The following DERL2 variants were observed in gnomAD, a reference collection of about 807,000 sequenced individuals.
DERL2 encodes the protein derlin-2.
DERL2 carries 13 observed loss-of-function variants against 32.0 expected under a neutral mutation model. The ratio of observed to expected loss-of-function variants is 0.41; its 90% CI spans 0.26 to 0.65. The LOEUF is 0.65. Among genes scored for constraint, DERL2 ranks in the 30% least tolerant of loss-of-function variants. The probability of loss-of-function intolerance (pLI) is 0.35; values close to 1 mark genes in which losing one functional copy is unlikely to be tolerated. For missense variants in DERL2, 208 were observed against 296.3 expected (o/e 0.70, Z 2.19); for synonymous variants, 111 against 104.7 (o/e 1.06, Z -0.37).
Position 5,473,519 on chromosome 17 carries a change from G to A in DERL2, c.*1165C>T, listed in dbSNP as rs1905212530. ...AAGACCCTGGAAGAACATATGCCTA[G>A]CTAACTGGTATCTGTTCGTCTGGCT... On this transcript the variant is annotated 3_prime_UTR_variant, in exon 7 of 7. Transcript: ENST00000158771. 1 of 151,440 alleles carries A rather than the reference G, an allele frequency of 6.6e-6. No homozygotes were observed. 9.4% of individuals were successfully genotyped at this position (151,440 alleles called of 1,614,324 possible). A position where few individuals can be genotyped will look rare whatever the true frequency, so the allele number is the denominator to read the frequency against.
Position 5,474,473 on chromosome 17 carries a change from T to G in DERL2, c.*211A>C. 1 of 445,914 alleles carries G rather than the reference T, an allele frequency of 2.2e-6. No individual in the cohort carries two copies. Among genetic ancestry groups the G allele is most frequent in the Non-Finnish European group, 4.0e-6 (1 of 252,876 alleles). The allele number at this position is 445,914 out of a possible 1,614,324, so 27.6% of individuals were successfully genotyped here. ...TCTCCAGTTTTTTGGCTCTAAGAAA[T>G]TACACTTTCAGTACCAGTGTAGTGA... On this transcript the variant is annotated 3_prime_UTR_variant, in exon 7 of 7. Coordinates refer to ENST00000158771, the MANE Select transcript of DERL2 (RefSeq NM_016041.5). This position sits in a 1 kb window ranked among gnomAD's most constrained non-coding sequence, Gnocchi z 4.3.
intron 2 of DERL2, among the ~76,000 whole-genome samples, chr17:5,483,103 C>G (rs1386221312): frequency 1.3e-5 from 2 of 152,004 alleles, no homozygotes; most frequent in African/African-American, 4.8e-5. Flanking sequence ...GGGACTGTGA[C>G]ATTTATAATA....
chr17:5,485,019 C>T (rs1906075943), intron 2 of DERL2, 132 bp downstream of exon 2: 3 of 533,418 alleles, frequency 5.6e-6, no homozygotes. Flanking sequence ...GCTTTATATC[C>T]TGACAAGGCA....
chr17:5,475,558 C>G (rs1905330787), intron 6 of DERL2, among the ~76,000 whole-genome samples: 1 of 152,066 alleles, frequency 6.6e-6, no homozygotes, highest in African/African-American at 2.4e-5. Flanking sequence ...TGCACCTAGT[C>G]AACATGGTGA....
At chr17:5,478,196 T>C (rs1055505562) in intron 6 of DERL2, among the ~76,000 whole-genome samples, 4 of 151,898 alleles carry the variant, frequency 2.6e-5, no homozygotes, top group Non-Finnish European at 5.9e-5. Context: ...AGACCTTGTC[T>C]CCACAAAAAA....
At position 5,474,621 on chromosome 17, in the gene DERL2, A is replaced by T; in HGVS notation, c.*63T>A. The T allele has an allele frequency of 1.5e-6, 2 of 1,307,858 alleles. No individual in the cohort carries two copies. The highest frequency in any genetic ancestry group is 2.1e-6 in the Non-Finnish European group (2 of 935,238). The allele number at this position is 1,307,858 out of a possible 1,614,324, so 81.0% of individuals were successfully genotyped here. ...TGTCCACACTTTTGCAACAAAGGAT[A>T]AAAGATCCCAGTGGGTATCACCGAG... On this transcript the variant is annotated 3_prime_UTR_variant, in exon 7 of 7. Transcript: ENST00000158771. This position sits in a 1 kb window ranked among gnomAD's most constrained non-coding sequence, Gnocchi z 4.3.
chr17:5,482,509 A>G (rs922747597), intron 3 of DERL2: 1 of 238,786 alleles, frequency 4.2e-6, no homozygotes, highest in Non-Finnish European at 8.2e-6. Flanking sequence ...ACGGCTTCGA[A>G]CCTGTTGGTT....
At chr17:5,479,885 G>A (rs1905656023) in intron 6 of DERL2, among the ~76,000 whole-genome samples, 169 bp downstream of exon 6, 2 of 152,144 alleles carry the variant, frequency 1.3e-5, no homozygotes, top group African/African-American at 4.8e-5. Context: ...GGCACTGTCT[G>A]CTCCTACCCA....
At chr17:5,482,092 G>C (rs1272937908) in intron 3 of DERL2, among the ~76,000 whole-genome samples, 1 of 152,198 alleles carries the variant, frequency 6.6e-6, no homozygotes, top group African/African-American at 2.4e-5. Flanking sequence ...TACTTTTCCA[G>C]CCTGGCAGGT....
rs1905289106 is a variant in DERL2 at position 5,474,875 on chromosome 17, T to G, written c.615-86A>C. 1 of 887,816 alleles carries G rather than the reference T, an allele frequency of 1.1e-6. No individual in the cohort carries two copies. Among genetic ancestry groups the G allele is most frequent in the Admixed American group, 2.7e-5 (1 of 37,604 alleles). 55.0% of individuals were successfully genotyped at this position (887,816 alleles called of 1,614,324 possible). On this transcript the variant is annotated intron_variant, in intron 6 of 6. Coordinates refer to ENST00000158771, the MANE Select transcript of DERL2 (RefSeq NM_016041.5). This position sits in a 1 kb window ranked among gnomAD's most constrained non-coding sequence, Gnocchi z 4.3. Reference sequence around the variant, plus strand: ...AAGGTCAGTTCAGGCCCCATAGGGTTTCCACCAATAGGTAAGCATTACACC... The same window carrying G: ...AAGGTCAGTTCAGGCCCCATAGGGTGTCCACCAATAGGTAAGCATTACACC...
intron 2 of DERL2, among the ~76,000 whole-genome samples, chr17:5,483,180 C>A (rs995760962): frequency 6.6e-6 from 1 of 151,770 alleles, no homozygotes. Context: ...CTAGGTTAAT[C>A]GGCAGAACAG....
chr17:5,480,453 A>C lies in DERL2; in HGVS notation c.457T>G (p.Phe153Val). ...FFGLLNFQAP[F>V]LPWVLMGFSL... ...AATCCCATGAGCACCCAGGGCAGAA[A>C]GGGGGCCTGGAAGTTGAGAAGGCCG... The change falls in exon 5 of 7, where the codon TTT becomes GTT. Residue 153 changes from phenylalanine to valine, a missense_variant. This residue lies in a region of DERL2 where 124 missense variants were observed against 215.3 expected (regional missense o/e 0.58). Transcript: ENST00000158771. 6.2e-7 allele frequency: 1 copy of C among 1,613,794 alleles called. No homozygotes were observed. The highest frequency in any genetic ancestry group is 8.5e-7 in the Non-Finnish European group (1 of 1,179,918).
rs766273072 is a variant in DERL2 at position 5,474,726 on chromosome 17, T to C, written c.678A>G (p.Pro226=). ...PNYNPLPEER[P]GGFAWGEGQR... The stretch of plus-strand genomic sequence containing the variant: ...GGCCCTCACCCCAGGCGAAGCCTCC[T>C]GGCCGTTCCTCAGGTAGTGGATTGT... The change falls in exon 7 of 7, where the codon CCA becomes CCG. Residue 226 remains proline, a synonymous_variant. Transcript: ENST00000158771. This position sits in a 1 kb window ranked among gnomAD's most constrained non-coding sequence, Gnocchi z 4.3. The C allele has an allele frequency of 6.2e-7, 1 of 1,613,928 alleles. No individual in the cohort carries two copies.
At chr17:5,484,316 G>A (rs536168147) in intron 2 of DERL2, among the ~76,000 whole-genome samples, 1 of 152,188 alleles carries the variant, frequency 6.6e-6, no homozygotes, top group Non-Finnish European at 1.5e-5. Flanking sequence ...GCACAATCTC[G>A]GCTCACTGCA....
intron 6 of DERL2, among the ~76,000 whole-genome samples, chr17:5,478,183 G>C (rs1384299591): frequency 6.6e-6 from 1 of 152,130 alleles, no homozygotes; most frequent in East Asian, 1.9e-4. Flanking sequence ...GGGCAACATA[G>C]AGAGACCTTG....
At chr17:5,476,827 G>A (rs1905418674) in intron 6 of DERL2, among the ~76,000 whole-genome samples, 1 of 152,090 alleles carries the variant, frequency 6.6e-6, no homozygotes, top group Non-Finnish European at 1.5e-5. Context: ...CCCTTCTACT[G>A]CCCAAACATT....
chr17:5,480,137 T>G lies in DERL2; in HGVS notation c.531A>C (p.Ala177=). ...CCAAGAAAAAATATATGTGTCCAAC[T>G]GCAATACCTAGAGTCAAGCAGAAAT... The part of the protein sequence containing the change: ...NSIIVDLLGI[A]VGHIYFFLED... Residue 177 remains alanine (A), a synonymous_variant, in exon 6 of 7, where the codon GCA becomes GCC. Transcript: ENST00000158771. 2 of 1,600,272 alleles carry G rather than the reference T, an allele frequency of 1.2e-6. No homozygotes were observed. Among genetic ancestry groups the G allele is most frequent in the Non-Finnish European group, 1.7e-6 (2 of 1,168,086 alleles).
chr17:5,479,663 C>A (rs1306939646), intron 6 of DERL2, among the ~76,000 whole-genome samples: 1 of 152,168 alleles, frequency 6.6e-6, no homozygotes, highest in Non-Finnish European at 1.5e-5. Flanking sequence ...CTGCTTATCT[C>A]AACCACCTGC....
In DERL2 at chr17:5,471,928, G is replaced by T. The variant is rs1221402033; in HGVS notation, c.*2756C>A. ...CTTATTTTCAGAGGCCCCAGAGACT[G>T]AGGGTTTCATTATCCAGACCCAGGA... On this transcript the variant is annotated 3_prime_UTR_variant, in exon 7 of 7. Transcript: ENST00000158771. The T allele has an allele frequency of 1.3e-5, 2 of 152,202 alleles. No homozygotes were observed. Among genetic ancestry groups the T allele is most frequent in the African/African-American group, 2.4e-5 (1 of 41,432 alleles). The allele number at this position is 152,202 out of a possible 1,614,324, so 9.4% of individuals were successfully genotyped here.
Sources: allele counts gnomAD v4.1 joint callset (sites outside exome capture counted in the v4.1 genomes callset), GRCh38; gene constraint gnomAD v4.1.1; regional missense constraint gnomAD v4.1.1; non-coding constraint Gnocchi (gnomAD v3.1); transcripts MANE v1.5; gene names NCBI Gene and HGNC (gene_info 2026-07-23, HGNC 2026-07-21).